RIMS1: variants seen among roughly 807,000 people sequenced by gnomAD.
RIMS1 encodes the protein regulating synaptic membrane exocytosis protein 1.
Under a neutral mutation model 214.1 loss-of-function variants are expected in RIMS1, and 83 were observed. The observed-to-expected ratio is 0.39, with a 90% CI of 0.32 to 0.47. RIMS1 has a LOEUF of 0.47. RIMS1 is among the 20% of genes least tolerant of loss of function. RIMS1 has a pLI of 0.99. For synonymous variants in RIMS1, 793 were observed against 786.8 expected (o/e 1.01, Z -0.13); for missense variants, 2,050 against 2,161.8 (o/e 0.95, Z 1.03).
Position 72,400,516 on chromosome 6 carries a change from T to C in RIMS1, c.4881T>C (p.Tyr1627=), listed in dbSNP as rs779663077. Residue 1627 remains tyrosine, a synonymous_variant, in exon 34 of 34, where the codon TAT becomes TAC. Transcript: ENST00000521978. ...TGCAGGTGATTGTCTGGGGAGACTA[T>C]GGCAGAATGGACCACAAATGCTTTA... ...KVLQVIVWGD[Y]GRMDHKCFMG... is the part of the protein sequence containing the mutation. 6.2e-6 allele frequency: 10 copies of C among 1,614,038 alleles called. No individual in the cohort carries two copies. Among genetic ancestry groups the C allele is most frequent in the South Asian group, 5.5e-5 (5 of 91,084 alleles).
chr6:72,374,529 T>C (rs570148949), intron 29 of RIMS1, among the ~76,000 whole-genome samples: 1 of 152,330 alleles, frequency 6.6e-6, no homozygotes, highest in East Asian at 1.9e-4. Flanking sequence ...ATTAGCACAA[T>C]TTACATTATT....
intron 16 of RIMS1, among the ~76,000 whole-genome samples, chr6:72,256,931 A>G (rs1042838357): frequency 6.6e-6 from 1 of 151,930 alleles, no homozygotes; most frequent in African/African-American, 2.4e-5. Context: ...TTATAGAGTG[A>G]CAAAATGTTT....
intron 13 of RIMS1, 51 bp from the exon 14 acceptor site, chr6:72,250,870 G>C: frequency 2.0e-6 from 2 of 1,022,366 alleles, no homozygotes; most frequent in Non-Finnish European, 2.8e-6. Context: ...AACTACAGTA[G>C]ATGGCAGCAT....
At chr6:72,161,617 C>G (rs2045426659) in intron 4 of RIMS1, among the ~76,000 whole-genome samples, 1 of 139,516 alleles carries the variant, frequency 7.2e-6, no homozygotes. Flanking sequence ...CAAAGAACAT[C>G]TTTATTTCTG....
At chr6:72,241,389 A>G (rs1190210572) in intron 9 of RIMS1, among the ~76,000 whole-genome samples, 1 of 152,188 alleles carries the variant, frequency 6.6e-6, no homozygotes. Context: ...TTTTGAAGTG[A>G]AGAGTCTAAG....
At chr6:72,030,077 C>T (rs1158514724) in intron 2 of RIMS1, among the ~76,000 whole-genome samples, 1 of 152,166 alleles carries the variant, frequency 6.6e-6, no homozygotes. Flanking sequence ...TATTCAGGGC[C>T]AGACCATGTC....
intron 22 of RIMS1, among the ~76,000 whole-genome samples, chr6:72,272,031 G>A (rs1227900297): frequency 2.6e-5 from 4 of 152,088 alleles, no homozygotes; most frequent in Non-Finnish European, 1.5e-5. Flanking sequence ...TGATACTAAA[G>A]TATGAATAAT....
At chr6:72,388,196 A>G (rs1044512458) in intron 29 of RIMS1, among the ~76,000 whole-genome samples, 4 of 152,250 alleles carry the variant, frequency 2.6e-5, no homozygotes, top group African/African-American at 9.6e-5. Context: ...CAGCAAAGGG[A>G]TACTATACAA....
At chr6:71,963,142 C>T (rs1274958245) in intron 1 of RIMS1, among the ~76,000 whole-genome samples, 1 of 152,134 alleles carries the variant, frequency 6.6e-6, no homozygotes, top group Non-Finnish European at 1.5e-5. Flanking sequence ...GACTCTGTAA[C>T]TTCACAGTTG....
At chr6:72,373,209 G>A (rs767930139) in intron 29 of RIMS1, among the ~76,000 whole-genome samples, 3 of 152,096 alleles carry the variant, frequency 2.0e-5, no homozygotes, top group Admixed American at 6.5e-5. Context: ...TTAACCCACC[G>A]ATAATTTGAA....
At chr6:72,012,497 T>A (rs1375790635) in intron 2 of RIMS1, among the ~76,000 whole-genome samples, 1 of 151,658 alleles carries the variant, frequency 6.6e-6, no homozygotes, top group African/African-American at 2.4e-5. Context: ...ACTGAAAAAA[T>A]TATGAAGTTG....
At chr6:72,230,068 G>C (rs996321351) in intron 6 of RIMS1, among the ~76,000 whole-genome samples, 2 of 151,814 alleles carry the variant, frequency 1.3e-5, no homozygotes, top group Admixed American at 1.3e-4. Flanking sequence ...AATATTTTAA[G>C]AGGTTCAGGA....
intron 1 of RIMS1, among the ~76,000 whole-genome samples, chr6:71,921,449 G>C (rs62407754): frequency 0.13 from 19,856 of 152,212 alleles, 1,669 homozygotes; most frequent in Middle Eastern, 0.21. Context: ...TTGTCAAAGG[G>C]AAGCTAAAGT....
chr6:72,291,203 G>A (rs1006830623), intron 25 of RIMS1, among the ~76,000 whole-genome samples: 1 of 152,016 alleles, frequency 6.6e-6, no homozygotes, highest in South Asian at 2.1e-4. Flanking sequence ...ACTTTAAAAA[G>A]CATAAGAGGA....
At chr6:72,277,005 A>G (rs1020124473) in intron 23 of RIMS1, among the ~76,000 whole-genome samples, 2 of 152,218 alleles carry the variant, frequency 1.3e-5, no homozygotes, top group Non-Finnish European at 2.9e-5. Context: ...GACAATTTAT[A>G]CAATTCAACT....
intron 19 of RIMS1, chr6:72,263,792 C>T (rs1028892580): frequency 4.5e-5 from 26 of 582,722 alleles, no homozygotes; most frequent in Non-Finnish European, 5.1e-5. Context: ...GGTGAAACCC[C>T]GTCTCTACTA....
intron 29 of RIMS1, among the ~76,000 whole-genome samples, chr6:72,342,362 G>T (rs2097122950): frequency 6.6e-6 from 1 of 151,706 alleles, no homozygotes; most frequent in Admixed American, 6.6e-5. Flanking sequence ...CTGGGTGGGA[G>T]CCCAAGGGGA....
chr6:72,245,231 C>T (rs1198834563), intron 10 of RIMS1, among the ~76,000 whole-genome samples: 4 of 151,410 alleles, frequency 2.6e-5, no homozygotes, highest in Admixed American at 6.6e-5. Flanking sequence ...ATATGAATCT[C>T]TATAAAGGGT....
intron 4 of RIMS1, among the ~76,000 whole-genome samples, chr6:72,162,638 C>T (rs2045620356): frequency 7.1e-6 from 1 of 140,136 alleles, no homozygotes; most frequent in African/African-American, 2.5e-5. Context: ...ATTTCTCCTT[C>T]ACTTCTGAAG....
Sources: allele counts gnomAD v4.1 joint callset (sites outside exome capture counted in the v4.1 genomes callset), GRCh38; gene constraint gnomAD v4.1.1; transcripts MANE v1.5; gene names NCBI Gene and HGNC (gene_info 2026-07-23, HGNC 2026-07-21).